Variants in SLC25A13 observed in about 807,000 individuals in gnomAD.
The protein encoded by SLC25A13 is solute carrier family 25 member 13.
SLC25A13 carries 70 observed loss-of-function variants against 85.5 expected under a neutral mutation model. The observed-to-expected ratio is 0.82, with a 90% CI of 0.68 to 1.00. The LOEUF (loss-of-function observed/expected upper bound fraction) is 1.00. Ranked by LOEUF, SLC25A13 falls within the 50% of genes least tolerant of loss-of-function variation. SLC25A13 has a pLI of 0.00. For missense variants in SLC25A13, 765 were observed against 819.8 expected, an observed-to-expected ratio of 0.93 and a Z score of 0.82; for synonymous variants, 259 against 288.7, an observed-to-expected ratio of 0.90 and a Z score of 1.04.
intron 4 of SLC25A13, among the ~76,000 whole-genome samples, chr7:96,213,372 G>C (rs1562848026): frequency 6.6e-6 from 1 of 152,110 alleles, no homozygotes; most frequent in Non-Finnish European, 1.5e-5. Context: ...GTCTTGTAAG[G>C]CTCTCAGAGG....
At chr7:96,218,642 T>C (rs1795987431) in intron 4 of SLC25A13, among the ~76,000 whole-genome samples, 1 of 152,168 alleles carries the variant, frequency 6.6e-6, no homozygotes, top group Admixed American at 6.5e-5. Context: ...AGTTTCTCAT[T>C]AAAATAAAAA....
intron 3 of SLC25A13, among the ~76,000 whole-genome samples, chr7:96,246,640 C>T (rs969027159): frequency 2.6e-5 from 4 of 152,142 alleles, no homozygotes; most frequent in South Asian, 2.1e-4. Context: ...ATCAATTACT[C>T]GGGAACATTT....
At chr7:96,121,581 G>A in intron 17 of SLC25A13, 74 bp downstream of exon 17, 1 of 1,471,176 alleles carries the variant, frequency 6.8e-7, no homozygotes, top group East Asian at 2.3e-5. Context: ...AGACTAGACT[G>A]AGGTACCTTT....
rs536240292 is a variant in SLC25A13, at chr7:96,278,650, T to C, written c.70-1312A>G. ...AAATGAGATACTCATGTCATATACTTAGCACAACGCCCTATACACAATAAG... is the reference window on the plus strand; with the variant it reads ...AAATGAGATACTCATGTCATATACTCAGCACAACGCCCTATACACAATAAG... On this transcript the variant is annotated intron_variant, in intron 2 of 17. Coordinates refer to ENST00000265631, the MANE Select transcript of SLC25A13 (RefSeq NM_014251.3). Among the ~76,000 whole-genome samples the C allele has an allele frequency of 3.3e-5, 5 of 152,316 alleles. No individual in the cohort carries two copies. The South Asian group carries it at 8.3e-4, about 25-fold the overall frequency.
chr7:96,273,514 T>C (rs1328240578), intron 3 of SLC25A13, among the ~76,000 whole-genome samples: 13 of 152,210 alleles, frequency 8.5e-5, no homozygotes, highest in Admixed American at 7.9e-4. Flanking sequence ...AGAATGTTCT[T>C]AGTCTCAGAA....
intron 3 of SLC25A13, among the ~76,000 whole-genome samples, chr7:96,268,961 A>C (rs1347791667): frequency 6.6e-6 from 1 of 152,222 alleles, no homozygotes; most frequent in African/African-American, 2.4e-5. Context: ...CCAATTTCCC[A>C]GTCCAAATGA....
At chr7:96,139,893 T>C (rs1792447868) in intron 14 of SLC25A13, among the ~76,000 whole-genome samples, 1 of 151,330 alleles carries the variant, frequency 6.6e-6, no homozygotes, top group Non-Finnish European at 1.5e-5. Context: ...TCTATTGTAA[T>C]AATGTTGCAA....
At chr7:96,216,512 C>T (rs967927097) in intron 4 of SLC25A13, among the ~76,000 whole-genome samples, 2 of 151,964 alleles carry the variant, frequency 1.3e-5, no homozygotes, top group East Asian at 1.9e-4. Context: ...TGCCTATCAA[C>T]GATAGAGTGG....
At chr7:96,164,261 C>A (rs544749673) in intron 13 of SLC25A13, among the ~76,000 whole-genome samples, 1 of 152,124 alleles carries the variant, frequency 6.6e-6, no homozygotes, top group Non-Finnish European at 1.5e-5. Context: ...AGGAAGCTCA[C>A]GCAGATATGC....
At chr7:96,146,397 C>T (rs1792790134) in intron 14 of SLC25A13, among the ~76,000 whole-genome samples, 159 bp downstream of exon 14, 1 of 151,904 alleles carries the variant, frequency 6.6e-6, no homozygotes, top group African/African-American at 2.4e-5. Flanking sequence ...GAAGGGGCAC[C>T]TCCTTCTAAT....
intron 1 of SLC25A13, among the ~76,000 whole-genome samples, chr7:96,305,152 G>C (rs570696787): frequency 9.9e-5 from 15 of 152,216 alleles, no homozygotes; most frequent in African/African-American, 3.4e-4. Context: ...AAATAAAGAA[G>C]CTGAGGTACT....
intron 14 of SLC25A13, among the ~76,000 whole-genome samples, chr7:96,144,563 G>A (rs1792699595): frequency 6.6e-6 from 1 of 152,138 alleles, no homozygotes; most frequent in Non-Finnish European, 1.5e-5. Context: ...CTTCATATGG[G>A]AGAGTTCTCT....
At chr7:96,203,439 C>A (rs760243223) in intron 5 of SLC25A13, among the ~76,000 whole-genome samples, 3 of 152,122 alleles carry the variant, frequency 2.0e-5, no homozygotes, top group Non-Finnish European at 4.4e-5. Context: ...TTAATTTCAA[C>A]TTCAAATCCA....
chr7:96,137,186 T>C (rs1335080966), intron 14 of SLC25A13, among the ~76,000 whole-genome samples: 1 of 152,172 alleles, frequency 6.6e-6, no homozygotes, highest in African/African-American at 2.4e-5. Flanking sequence ...AGGGTGAGTT[T>C]GAGTGTCTTG....
intron 1 of SLC25A13, among the ~76,000 whole-genome samples, chr7:96,319,995 T>C (rs1032453356): frequency 1.3e-5 from 2 of 151,822 alleles, no homozygotes; most frequent in Non-Finnish European, 2.9e-5. Flanking sequence ...ACTTATTTTA[T>C]GTTTTGTCGT....
At chr7:96,202,061 G>A (rs1795277731) in intron 5 of SLC25A13, among the ~76,000 whole-genome samples, 1 of 152,090 alleles carries the variant, frequency 6.6e-6, no homozygotes, top group African/African-American at 2.4e-5. Context: ...AAAAGAAGTA[G>A]GCTGACCTCT....
intron 11 of SLC25A13, among the ~76,000 whole-genome samples, chr7:96,178,220 T>C (rs990686844): frequency 4.6e-5 from 7 of 152,096 alleles, no homozygotes; most frequent in African/African-American, 1.4e-4. Flanking sequence ...CAGGAGTGGG[T>C]TGAAGCCACG....
intron 11 of SLC25A13, among the ~76,000 whole-genome samples, chr7:96,183,604 G>A (rs1440057853): frequency 2.0e-5 from 3 of 152,164 alleles, no homozygotes; most frequent in Non-Finnish European, 4.4e-5. Flanking sequence ...AGTCTCCTTC[G>A]GCCAATGCCA....
At chr7:96,276,412 A>G (rs1173233867) in intron 3 of SLC25A13, among the ~76,000 whole-genome samples, 2 of 152,208 alleles carry the variant, frequency 1.3e-5, no homozygotes, top group East Asian at 3.9e-4. Flanking sequence ...GCTTGAGCCC[A>G]GGAGTTTGAG....
Sources: allele counts gnomAD v4.1 joint callset (sites outside exome capture counted in the v4.1 genomes callset), GRCh38; gene constraint gnomAD v4.1.1; transcripts MANE v1.5; gene names NCBI Gene and HGNC (gene_info 2026-07-23, HGNC 2026-07-21).